The following CFAP299 variants were observed in gnomAD, a reference collection of about 807,000 sequenced individuals.
CFAP299 encodes the protein cilia and flagella associated protein 299.
In CFAP299, 21 loss-of-function variants were observed where a neutral mutation model predicts 27.0. The observed-to-expected ratio is 0.78, with a 90% confidence interval of 0.55 to 1.12. The LOEUF (loss-of-function observed/expected upper bound fraction) is 1.12. Among genes scored for constraint, CFAP299 ranks in the 50% most tolerant of loss-of-function variants. The probability of loss-of-function intolerance (pLI) is 0.00; values close to 1 mark genes in which losing one functional copy is unlikely to be tolerated. For missense variants in CFAP299, 310 were observed against 276.6 expected, an observed-to-expected ratio of 1.12 and a Z score of -0.86; for synonymous variants, 104 against 98.1, an observed-to-expected ratio of 1.06 and a Z score of -0.36.
chr4:80,876,585 A>G (rs1206230324), intron 4 of CFAP299, among the ~76,000 whole-genome samples: 1 of 152,140 alleles, frequency 6.6e-6, no homozygotes, highest in Non-Finnish European at 1.5e-5. Flanking sequence ...CTAATACAAG[A>G]CCTTTTTCAC....
intron 4 of CFAP299, among the ~76,000 whole-genome samples, chr4:80,914,527 C>T (rs1028424000): frequency 7.9e-5 from 12 of 152,122 alleles, no homozygotes; most frequent in Non-Finnish European, 7.4e-5. Context: ...AAACTGTATT[C>T]AGACATTGAA....
chr4:80,913,343 G>C (rs899772200), intron 4 of CFAP299, among the ~76,000 whole-genome samples: 14 of 152,154 alleles, frequency 9.2e-5, no homozygotes, highest in African/African-American at 2.7e-4. Flanking sequence ...GAGGAATTGT[G>C]AATATTCTGG....
chr4:80,623,434 G>T (rs994189143), intron 3 of CFAP299, among the ~76,000 whole-genome samples: 1 of 152,072 alleles, frequency 6.6e-6, no homozygotes, highest in Non-Finnish European at 1.5e-5. Flanking sequence ...GAAGAGATGG[G>T]TGGAACACGA....
At chr4:80,506,760 A>G (rs1009431492) in intron 2 of CFAP299, among the ~76,000 whole-genome samples, 3 of 152,148 alleles carry the variant, frequency 2.0e-5, no homozygotes, top group Non-Finnish European at 4.4e-5. Context: ...TCAACTCTGA[A>G]TGATCTGAAA....
chr4:80,818,471 G>A (rs917424329), intron 3 of CFAP299, among the ~76,000 whole-genome samples: 2 of 151,682 alleles, frequency 1.3e-5, no homozygotes, highest in Admixed American at 6.6e-5. Context: ...TATTGTATTT[G>A]GCTCTGCTGC....
intron 5 of CFAP299, among the ~76,000 whole-genome samples, chr4:80,955,650 T>A (rs1426796474): frequency 3.3e-5 from 5 of 152,208 alleles, no homozygotes; most frequent in African/African-American, 1.2e-4. Context: ...TTTACTGATG[T>A]TGATGGATTA....
chr4:80,818,884 A>G (rs1288778547), intron 3 of CFAP299, among the ~76,000 whole-genome samples: 1 of 152,158 alleles, frequency 6.6e-6, no homozygotes, highest in Admixed American at 6.6e-5. Flanking sequence ...AACTTACTGA[A>G]GCACATTGAA....
chr4:80,458,352 G>A (rs1729267942), intron 2 of CFAP299, among the ~76,000 whole-genome samples: 1 of 152,212 alleles, frequency 6.6e-6, no homozygotes, highest in African/African-American at 2.4e-5. Context: ...CCAAATGCCA[G>A]CTACTGGACT....
intron 3 of CFAP299, among the ~76,000 whole-genome samples, chr4:80,606,577 A>G (rs1331129088): frequency 6.6e-6 from 1 of 152,192 alleles, no homozygotes; most frequent in East Asian, 1.9e-4. Context: ...TAATAGGTAT[A>G]TAGATACAAA....
At chr4:80,576,187 TAAA>T (rs760438865) in intron 2 of CFAP299, among the ~76,000 whole-genome samples, 1,851 of 142,092 alleles carry the variant, frequency 0.013, 38 homozygotes, top group African/African-American at 0.038. Flanking sequence ...AGTATAATAA[TAAA>T]AAAAAAAATA....
chr4:80,840,242 C>T (rs1383982545), intron 3 of CFAP299, among the ~76,000 whole-genome samples: 1 of 152,048 alleles, frequency 6.6e-6, no homozygotes, highest in Non-Finnish European at 1.5e-5. Context: ...GTGTTCTAAT[C>T]TTCAATAATT....
At chr4:80,680,240 C>T (rs925526079) in intron 3 of CFAP299, among the ~76,000 whole-genome samples, 4 of 152,092 alleles carry the variant, frequency 2.6e-5, no homozygotes, top group Non-Finnish European at 4.4e-5. Flanking sequence ...TCTTAACCCC[C>T]TCCCTTTCAT....
intron 3 of CFAP299, among the ~76,000 whole-genome samples, chr4:80,634,302 A>C (rs1171590151): frequency 6.6e-6 from 1 of 152,134 alleles, no homozygotes; most frequent in Non-Finnish European, 1.5e-5. Flanking sequence ...TTGAGGTAGC[A>C]CAGCATGGTG....
chr4:80,845,418 A>G (rs570831458), intron 3 of CFAP299, among the ~76,000 whole-genome samples: 3 of 152,262 alleles, frequency 2.0e-5, no homozygotes, highest in Non-Finnish European at 2.9e-5. Flanking sequence ...TAGAACCCAC[A>G]TGGCCTACAG....
intron 1 of CFAP299, among the ~76,000 whole-genome samples, chr4:80,340,226 C>A (rs988896273): frequency 6.6e-6 from 1 of 152,166 alleles, no homozygotes; most frequent in Non-Finnish European, 1.5e-5. Context: ...TCATTCCCAG[C>A]CAAAGGAAGC....
rs555335240 is a variant in CFAP299 at position 80,684,197 on chromosome 4, C to G, written c.333+101014C>G. On this transcript the variant is annotated intron_variant, in intron 3 of 5. Coordinates refer to ENST00000358105, the MANE Select transcript of CFAP299 (RefSeq NM_152770.3). Reference sequence around the variant, plus strand: ...CTTTCAGGTGTATGTGACCATTGCTCTTTGTTTAAGAACATCTTAAGACTT... The same window carrying G: ...CTTTCAGGTGTATGTGACCATTGCTGTTTGTTTAAGAACATCTTAAGACTT... Among the ~76,000 whole-genome samples, 4 of 151,594 alleles carry G rather than the reference C, an allele frequency of 2.6e-5. No individual in the cohort carries two copies. In the South Asian group the frequency reaches 8.3e-4, roughly 32 times the overall value.
At chr4:80,599,355 T>C (rs1737213688) in intron 3 of CFAP299, among the ~76,000 whole-genome samples, 1 of 152,162 alleles carries the variant, frequency 6.6e-6, no homozygotes, top group African/African-American at 2.4e-5. Context: ...TGTTGCAAGG[T>C]GCTTTTCTAA....
At chr4:80,848,460 T>C (rs1171845744) in intron 3 of CFAP299, among the ~76,000 whole-genome samples, 1 of 152,152 alleles carries the variant, frequency 6.6e-6, no homozygotes, top group Non-Finnish European at 1.5e-5. Context: ...TGTAGGCAAT[T>C]GTAACACAGT....
intron 3 of CFAP299, among the ~76,000 whole-genome samples, chr4:80,836,712 A>C (rs978505240): frequency 6.6e-6 from 1 of 152,120 alleles, no homozygotes; most frequent in African/African-American, 2.4e-5. Flanking sequence ...ACATATTTAG[A>C]GGTTCTGGAG....
Sources: allele counts gnomAD v4.1 joint callset (sites outside exome capture counted in the v4.1 genomes callset), GRCh38; gene constraint gnomAD v4.1.1; transcripts MANE v1.5; gene names NCBI Gene and HGNC (gene_info 2026-07-23, HGNC 2026-07-21).